The following ADCK1 variants were observed in gnomAD, a reference collection of about 807,000 sequenced individuals.
ADCK1 encodes aarF domain-containing protein kinase 1.
Under a neutral mutation model 52.3 loss-of-function variants are expected in ADCK1, and 41 were observed. The observed-to-expected ratio is 0.78, with a 90% CI of 0.61 to 1.02. The LOEUF (loss-of-function observed/expected upper bound fraction) is 1.02. Among genes scored for constraint, ADCK1 ranks in the 50% least tolerant of loss-of-function variants. The pLI is 0.00. For missense variants in ADCK1, 658 were observed against 679.5 expected (o/e 0.97, Z 0.35); for synonymous variants, 250 against 274.6 (o/e 0.91, Z 0.89).
intron 4 of ADCK1, among the ~76,000 whole-genome samples, chr14:77,874,120 A>G (rs1002175480): frequency 3.3e-5 from 5 of 152,222 alleles, no homozygotes; most frequent in Non-Finnish European, 1.5e-5. Context: ...CTGAGAGTGC[A>G]GAACTCTTTC....
intron 3 of ADCK1, 135 bp from the exon 4 acceptor site, chr14:77,858,931 TGTGTGTGTGC>T (rs1187269881): frequency 2.9e-6 from 2 of 681,676 alleles, no homozygotes; most frequent in Non-Finnish European, 4.7e-6. Context: ...GGAAAAGGTG[TGTGTGTGTGC>T]GTGTGTGTGC....
At chr14:77,869,960 C>T (rs530732338) in intron 4 of ADCK1, among the ~76,000 whole-genome samples, 2 of 152,288 alleles carry the variant, frequency 1.3e-5, no homozygotes, top group African/African-American at 4.8e-5. Flanking sequence ...CTCCACCCAG[C>T]CCCACTTTTC....
intron 4 of ADCK1, among the ~76,000 whole-genome samples, chr14:77,860,377 A>G (rs2082517659): frequency 6.6e-6 from 1 of 152,236 alleles, no homozygotes; most frequent in Non-Finnish European, 1.5e-5. Context: ...GCGCAGGGCC[A>G]GGAGAGTAGG....
At chr14:77,929,731 A>G (rs113374028) in intron 9 of ADCK1, among the ~76,000 whole-genome samples, 3,516 of 151,816 alleles carry the variant, frequency 0.023, 54 homozygotes, top group African/African-American at 0.039. Context: ...CAGTGGTGTG[A>G]TCTCAGCTCA....
chr14:77,810,692 G>C (rs761720795), intron 1 of ADCK1, among the ~76,000 whole-genome samples: 12 of 152,070 alleles, frequency 7.9e-5, no homozygotes, highest in Non-Finnish European at 1.6e-4. Flanking sequence ...CATCACGCCT[G>C]GCTAATTTGT....
At chr14:77,931,826 A>G in intron 10 of ADCK1, 115 bp downstream of exon 10, 1 of 1,054,760 alleles carries the variant, frequency 9.5e-7, no homozygotes, top group Non-Finnish European at 1.3e-6. Flanking sequence ...GAGCTTCCCA[A>G]TCTCCAGATA....
intron 10 of ADCK1, among the ~76,000 whole-genome samples, chr14:77,932,047 A>G (rs552436909): frequency 6.6e-6 from 1 of 151,706 alleles, no homozygotes; most frequent in African/African-American, 2.4e-5. Flanking sequence ...TATTTATTTA[A>G]TTTATTTATT....
rs546170744 is a variant in ADCK1, at chr14:77,816,990, C to T, written c.-11-1978C>T. 7.7e-4 allele frequency among the ~76,000 whole-genome samples: 116 copies of T among 150,766 alleles called. 2 individuals carry two copies. Among genetic ancestry groups the T allele is most frequent in the South Asian group, 5.0e-3 (24 of 4,760 alleles). On this transcript the variant is annotated intron_variant, in intron 1 of 10. Transcript: ENST00000238561. ...GGCGTGGTGGCTCACACCTGTAATC[C>T]CAGCACTTTGGGAGGCTGAGGCAGG... is the stretch of plus-strand genomic sequence containing the variant.
chr14:77,911,807 A>G (rs547311091), intron 7 of ADCK1, among the ~76,000 whole-genome samples: 28 of 151,622 alleles, frequency 1.8e-4, no homozygotes, highest in African/African-American at 6.3e-4. Flanking sequence ...TGCATTATCA[A>G]CTTATGAGGG....
chr14:77,913,822 A>T (rs2083853164), intron 7 of ADCK1, among the ~76,000 whole-genome samples: 1 of 152,044 alleles, frequency 6.6e-6, no homozygotes. Context: ...TTTAGAAGGG[A>T]CACCAGCCTG....
intron 1 of ADCK1, among the ~76,000 whole-genome samples, chr14:77,812,548 G>C (rs1020549062): frequency 4.6e-5 from 7 of 152,066 alleles, no homozygotes; most frequent in Non-Finnish European, 8.8e-5. Context: ...TTTGTGGATG[G>C]ACACTTAGGT....
intron 1 of ADCK1, among the ~76,000 whole-genome samples, chr14:77,810,380 G>A (rs2081314598): frequency 6.6e-6 from 1 of 152,164 alleles, no homozygotes; most frequent in Non-Finnish European, 1.5e-5. Context: ...CTCCCAAAGT[G>A]CTGGGCTTAA....
intron 1 of ADCK1, among the ~76,000 whole-genome samples, chr14:77,804,283 G>A (rs1048217437): frequency 6.6e-6 from 1 of 152,152 alleles, no homozygotes; most frequent in Non-Finnish European, 1.5e-5. Context: ...CATATTTCAC[G>A]CCTGACAGGG....
At chr14:77,823,251 G>A (rs1288439921) in intron 3 of ADCK1, among the ~76,000 whole-genome samples, 2 of 152,142 alleles carry the variant, frequency 1.3e-5, no homozygotes, top group Admixed American at 6.5e-5. Flanking sequence ...AGAGAGGTTT[G>A]TGATAGATTG....
At chr14:77,882,320 G>T (rs948165303) in intron 4 of ADCK1, among the ~76,000 whole-genome samples, 1 of 152,194 alleles carries the variant, frequency 6.6e-6, no homozygotes, top group African/African-American at 2.4e-5. Context: ...ATGGTAACCT[G>T]CCCTGAGTTG....
chr14:77,889,484 A>G (rs2083233835), intron 5 of ADCK1, among the ~76,000 whole-genome samples: 1 of 152,208 alleles, frequency 6.6e-6, no homozygotes, highest in South Asian at 2.1e-4. Context: ...AGCTGGGGAA[A>G]ATAACTTGCT....
At chr14:77,917,554 TA>T (rs2083953427) in intron 7 of ADCK1, among the ~76,000 whole-genome samples, 1 of 152,232 alleles carries the variant, frequency 6.6e-6, no homozygotes, top group Non-Finnish European at 1.5e-5. Context: ...CTCATTGATT[TA>T]AATATTATTT....
intron 1 of ADCK1, among the ~76,000 whole-genome samples, chr14:77,812,436 A>G (rs1043626003): frequency 1.3e-5 from 2 of 152,100 alleles, no homozygotes; most frequent in Non-Finnish European, 2.9e-5. Flanking sequence ...CTCTAGGTTC[A>G]TCCATGTTGT....
At chr14:77,889,570 T>C (rs993723410) in intron 5 of ADCK1, among the ~76,000 whole-genome samples, 2 of 152,222 alleles carry the variant, frequency 1.3e-5, no homozygotes, top group Non-Finnish European at 2.9e-5. Flanking sequence ...TTCCATCTCC[T>C]CTTGCCCCCC....
Sources: gnomAD v4.1 joint callset for allele counts (sites outside exome capture counted in the v4.1 genomes callset) on GRCh38, gnomAD v4.1.1 for gene constraint, MANE v1.5 for transcripts, NCBI Gene and HGNC (gene_info 2026-07-23, HGNC 2026-07-21) for gene names.